Variants in DPP10 observed in about 807,000 individuals in gnomAD.
The protein encoded by DPP10 is dipeptidyl peptidase like 10.
Under a neutral mutation model 120.9 loss-of-function variants are expected in DPP10, and 33 were observed. The observed-to-expected ratio is 0.27, with a 90% CI of 0.21 to 0.37. The LOEUF is 0.37. Among genes scored for constraint, DPP10 ranks in the 10% least tolerant of loss-of-function variants. DPP10 has a pLI of 1.00. For missense variants in DPP10, 816 were observed against 942.8 expected, an observed-to-expected ratio of 0.87 and a Z score of 1.76; for synonymous variants, 337 against 326.1, an observed-to-expected ratio of 1.03 and a Z score of -0.36.
rs150573350 is a variant in DPP10 at position 114,893,464 on chromosome 2, G to C, written c.61-415775G>C. On this transcript the variant is annotated intron_variant, in intron 1 of 25. Transcript: ENST00000410059. ...AAAATCAGGCAGCTTTTGAATATTG[G>C]GGGGTGGATGGGGGAAAGTTATGCT... Among the ~76,000 whole-genome samples, 82 of 152,186 alleles carry C rather than the reference G, an allele frequency of 5.4e-4. 2 individuals carry two copies. In the East Asian group the frequency reaches 0.013, roughly 24 times the overall value.
intron 1 of DPP10, among the ~76,000 whole-genome samples, chr2:114,481,944 GAA>G (rs1211064704): frequency 7.0e-6 from 1 of 143,854 alleles, no homozygotes; most frequent in Non-Finnish European, 1.5e-5. Flanking sequence ...AGAAGAAGGA[GAA>G]GAGAGGAGGA....
chr2:114,477,965 G>T (rs1680661576), intron 1 of DPP10, among the ~76,000 whole-genome samples: 1 of 150,224 alleles, frequency 6.7e-6, no homozygotes, highest in Non-Finnish European at 1.5e-5. Flanking sequence ...GTGTGTATAT[G>T]TATATATGTG....
chr2:115,139,724 T>TAAAAAAAAAA (rs55826687), intron 1 of DPP10, among the ~76,000 whole-genome samples: 36 of 56,628 alleles, frequency 6.4e-4, no homozygotes, highest in African/African-American at 1.2e-3. Flanking sequence ...GTAAAAATAC[T>TAAAAAAAAAA]AAAAAAAAAA....
intron 3 of DPP10, among the ~76,000 whole-genome samples, chr2:115,438,748 TGG>T: frequency 6.7e-6 from 1 of 149,934 alleles, no homozygotes; most frequent in African/African-American, 2.5e-5. Context: ...AAGCACAATG[TGG>T]AATAGTGGCT....
At chr2:114,446,550 A>T (rs1677955868) in intron 1 of DPP10, among the ~76,000 whole-genome samples, 1 of 152,084 alleles carries the variant, frequency 6.6e-6, no homozygotes, top group South Asian at 2.1e-4. Context: ...GACCTGCCTG[A>T]TTTATTTTAA....
chr2:115,394,167 T>C (rs577305534), intron 3 of DPP10, among the ~76,000 whole-genome samples: 2 of 152,306 alleles, frequency 1.3e-5, no homozygotes, highest in East Asian at 3.9e-4. Context: ...GTGAGACTGA[T>C]GTAATCAGAT....
chr2:115,504,684 G>A (rs543596626), intron 4 of DPP10, among the ~76,000 whole-genome samples: 7 of 152,148 alleles, frequency 4.6e-5, no homozygotes, highest in African/African-American at 1.7e-4. Context: ...AGCAAAGATT[G>A]GACACCTTTC....
At chr2:115,622,314 T>G (rs2085012425) in intron 5 of DPP10, among the ~76,000 whole-genome samples, 1 of 152,146 alleles carries the variant, frequency 6.6e-6, no homozygotes, top group African/African-American at 2.4e-5. Context: ...TTCCTTCATT[T>G]AGTATGTTTT....
intron 3 of DPP10, among the ~76,000 whole-genome samples, chr2:115,345,721 C>T (rs543219225): frequency 8.6e-5 from 13 of 152,026 alleles, no homozygotes; most frequent in African/African-American, 2.2e-4. Flanking sequence ...ATTGAAGCTC[C>T]GAAGGACAGG....
At chr2:115,431,373 G>A (rs1429236754) in intron 3 of DPP10, among the ~76,000 whole-genome samples, 1 of 152,096 alleles carries the variant, frequency 6.6e-6, no homozygotes, top group East Asian at 1.9e-4. Flanking sequence ...TGCCCATGGG[G>A]TAAGATAACC....
At chr2:114,636,553 A>T (rs1204775210) in intron 1 of DPP10, among the ~76,000 whole-genome samples, 3 of 151,952 alleles carry the variant, frequency 2.0e-5, no homozygotes, top group African/African-American at 7.3e-5. Flanking sequence ...GACCTTGAGG[A>T]ACACTACAAA....
In DPP10 at chr2:115,807,342, T is replaced by C. The variant is rs139813542; in HGVS notation, c.1701-7451T>C. Among the ~76,000 whole-genome samples the C allele has an allele frequency of 8.3e-3, 1,265 of 152,306 alleles. 18 individuals carry two copies. Among genetic ancestry groups the C allele is most frequent in the African/African-American group, 0.029 (1,203 of 41,570 alleles). On this transcript the variant is annotated intron_variant, in intron 19 of 25. Coordinates refer to ENST00000410059, the MANE Select transcript of DPP10 (RefSeq NM_020868.6). ...TTTCATGTGCTGTCCAAGATGTTTA[T>C]CCTGAGGTTAATTTTGTGTGGATAA... is the stretch of plus-strand genomic sequence containing the variant.
chr2:115,450,436 C>A (rs1434384014), intron 3 of DPP10, among the ~76,000 whole-genome samples: 1 of 151,940 alleles, frequency 6.6e-6, no homozygotes, highest in African/African-American at 2.4e-5. Flanking sequence ...CATCTGGATT[C>A]TAACTGAATA....
intron 1 of DPP10, among the ~76,000 whole-genome samples, chr2:114,971,132 TACTAGTGTTATC>T (rs1232478336): frequency 6.6e-6 from 1 of 152,228 alleles, no homozygotes; most frequent in Non-Finnish European, 1.5e-5. Context: ...CCTCATGTTT[TACTAGTGTTATC>T]ACATTTAGAG....
At chr2:114,915,929 G>A (rs1247185774) in intron 1 of DPP10, among the ~76,000 whole-genome samples, 1 of 151,896 alleles carries the variant, frequency 6.6e-6, no homozygotes, top group Non-Finnish European at 1.5e-5. Flanking sequence ...CATATGTAGA[G>A]GAACTAGAAA....
chr2:115,227,393 ACTTT>A (rs1365640526), intron 1 of DPP10, among the ~76,000 whole-genome samples: 1 of 152,168 alleles, frequency 6.6e-6, no homozygotes, highest in African/African-American at 2.4e-5. Context: ...TGAAATTTAA[ACTTT>A]CTTTTACTCT....
intron 1 of DPP10, among the ~76,000 whole-genome samples, chr2:115,296,793 G>C (rs2060904301): frequency 6.6e-6 from 1 of 151,972 alleles, no homozygotes; most frequent in Admixed American, 6.6e-5. Flanking sequence ...AGTTCATCTA[G>C]AGTCCTTCCT....
At chr2:115,375,243 T>A (rs553043609) in intron 3 of DPP10, among the ~76,000 whole-genome samples, 8 of 152,296 alleles carry the variant, frequency 5.3e-5, no homozygotes, top group Middle Eastern at 3.4e-3. Flanking sequence ...TTTCTTCCAA[T>A]AGATATCCTA....
intron 1 of DPP10, among the ~76,000 whole-genome samples, chr2:114,979,742 A>C (rs1429378791): frequency 6.6e-6 from 1 of 152,118 alleles, no homozygotes; most frequent in Non-Finnish European, 1.5e-5. Context: ...TAAGCAATAA[A>C]AATTAATTTA....
Sources: gnomAD v4.1 joint callset for allele counts (sites outside exome capture counted in the v4.1 genomes callset) on GRCh38, gnomAD v4.1.1 for gene constraint, MANE v1.5 for transcripts, NCBI Gene and HGNC (gene_info 2026-07-23, HGNC 2026-07-21) for gene names.